The following SAMD10 variants were observed in gnomAD, a reference collection of about 807,000 sequenced individuals.
SAMD10 encodes sterile alpha motif domain-containing protein 10.
In SAMD10, 16 loss-of-function variants were observed where a neutral mutation model predicts 22.5. The ratio of observed to expected loss-of-function variants is 0.71; its 90% CI spans 0.48 to 1.08. The LOEUF is 1.08. SAMD10 is among the 50% of genes least tolerant of loss of function. The pLI, the probability that SAMD10 is intolerant of heterozygous loss-of-function variation, is 0.00. For synonymous variants in SAMD10, 118 were observed against 122.2 expected (o/e 0.97, Z 0.23); for missense variants, 227 against 281.3 (o/e 0.81, Z 1.38).
chr20:63,977,338 G>A lies in SAMD10; in HGVS notation c.160C>T (p.His54Tyr). ...HTVSAESIPC[H>Y]LPRTPGTSLT... ...CTGGTGCCAGGTGTCCGAGGCAAGT[G>A]GCAGGGGATGCTCTCAGCTGACACC... Residue 54 changes from histidine (H) to tyrosine (Y), a missense_variant, in exon 2 of 5, where the codon CAC (histidine) becomes TAC (tyrosine). Transcript: ENST00000369886. This position sits in a 1 kb window ranked among gnomAD's most constrained non-coding sequence, Gnocchi z 5.4. 1 of 1,613,508 alleles carries A rather than the reference G, an allele frequency of 6.2e-7. No individual in the cohort carries two copies. Among genetic ancestry groups the A allele is most frequent in the Non-Finnish European group, 8.5e-7 (1 of 1,180,034 alleles).
rs1162648267 is a variant in SAMD10 at position 63,977,336 on chromosome 20, G to A, written c.162C>T (p.His54=). 4 of 1,613,450 alleles carry A rather than the reference G, an allele frequency of 2.5e-6. No individual in the cohort carries two copies. The highest frequency in any genetic ancestry group is 2.7e-5 in the African/African-American group (2 of 74,912). Residue 54 remains histidine (H), a synonymous_variant, in exon 2 of 5, where the codon CAC becomes CAT. Transcript: ENST00000369886. The surrounding 1 kb of genome is among the most constrained non-coding windows in gnomAD (Gnocchi z 5.4). ...GGCTGGTGCCAGGTGTCCGAGGCAA[G>A]TGGCAGGGGATGCTCTCAGCTGACA... is the stretch of plus-strand genomic sequence containing the variant. ...HTVSAESIPC[H]LPRTPGTSLT... is the part of the protein sequence containing the mutation.
At chr20:63,975,592 G>A (rs186343097) in intron 4 of SAMD10, 60 bp from the exon 5 acceptor site, 206 of 1,583,688 alleles carry the variant, frequency 1.3e-4, no homozygotes, top group Admixed American at 7.7e-4. Context: ...GCATTAGGGC[G>A]CTTACTGGGG....
chr20:63,978,567 C>G (rs1387111915), intron 1 of SAMD10, among the ~76,000 whole-genome samples: 1 of 152,184 alleles, frequency 6.6e-6, no homozygotes, highest in South Asian at 2.1e-4. Flanking sequence ...GTCTAAGTAT[C>G]GGTGAAAACC....
At chr20:63,978,635 G>A (rs1031438354) in intron 1 of SAMD10, among the ~76,000 whole-genome samples, 6 of 152,172 alleles carry the variant, frequency 3.9e-5, no homozygotes, top group Non-Finnish European at 8.8e-5. Context: ...AACACCTTCC[G>A]CCCCCATTCT....
chr20:63,976,384 G>A (rs1294705935), intron 3 of SAMD10, among the ~76,000 whole-genome samples: 2 of 152,022 alleles, frequency 1.3e-5, no homozygotes, highest in Non-Finnish European at 2.9e-5. Context: ...AGAGGCAGAG[G>A]GAAAGGAAGG....
chr20:63,978,477 C>G (rs1184148260), intron 1 of SAMD10: 2 of 369,626 alleles, frequency 5.4e-6, no homozygotes, highest in Non-Finnish European at 1.1e-5. Context: ...CCCATCCACC[C>G]TAGAGTGAGA....
chr20:63,978,176 T>C, intron 1 of SAMD10: 1 of 573,272 alleles, frequency 1.7e-6, no homozygotes. Flanking sequence ...CTGTGCTCCC[T>C]CTTCCCACAG....
intron 1 of SAMD10, among the ~76,000 whole-genome samples, chr20:63,978,714 T>G (rs2059041330): frequency 6.6e-6 from 1 of 152,246 alleles, no homozygotes; most frequent in African/African-American, 2.4e-5. Context: ...GAGGGTGTGC[T>G]CAGTGGGCCA....
intron 3 of SAMD10, 46 bp downstream of exon 3, chr20:63,976,925 G>GAGGC (rs1207140356): frequency 6.3e-7 from 1 of 1,597,508 alleles, no homozygotes; most frequent in Non-Finnish European, 8.6e-7. Flanking sequence ...GAGACGCTCT[G>GAGGC]AGGCAGGTTA....
rs2059036011 is a variant in SAMD10, at chr20:63,977,886, G to C, written c.92-480C>G. On this transcript the variant is annotated intron_variant, in intron 1 of 4. Coordinates refer to ENST00000369886, the MANE Select transcript of SAMD10 (RefSeq NM_080621.5). This position sits in a 1 kb window ranked among gnomAD's most constrained non-coding sequence, Gnocchi z 5.4. ...CTGGGGAAACCGGGCTGAGGATGCT[G>C]CTTGCCCATCGCCACTGAAGGCACC... Among the ~76,000 whole-genome samples the C allele has an allele frequency of 1.3e-5, 2 of 152,256 alleles. No individual in the cohort carries two copies. The highest frequency in any genetic ancestry group is 2.9e-5 in the Non-Finnish European group (2 of 68,042).
Position 63,979,423 on chromosome 20 carries a change from G to A in SAMD10, c.45C>T (p.Arg15=), listed in dbSNP as rs2059048526. 7 of 1,479,482 alleles carry A rather than the reference G, an allele frequency of 4.7e-6. No individual in the cohort carries two copies. Among genetic ancestry groups the A allele is most frequent in the Non-Finnish European group, 6.2e-6 (7 of 1,121,412 alleles). The allele number at this position is 1,479,482 out of a possible 1,614,324, so 91.6% of individuals were successfully genotyped here. A position where few individuals can be genotyped will look rare whatever the true frequency, so the allele number is the denominator to read the frequency against. Residue 15 remains arginine (R), a synonymous_variant, in exon 1 of 5, where the codon CGC becomes CGT. Coordinates refer to ENST00000369886, the MANE Select transcript of SAMD10 (RefSeq NM_080621.5). This position sits in a 1 kb window ranked among gnomAD's most constrained non-coding sequence, Gnocchi z 7.7. Reference sequence around the variant, plus strand: ...CGAAGCCCGCGCGCACGGCCCCGGCGCGGCCACGCGGGGGGCTCAGCTTGG... The same window carrying A: ...CGAAGCCCGCGCGCACGGCCCCGGCACGGCCACGCGGGGGGCTCAGCTTGG... ...LRSKLSPPRG[R]AGAVRAGFGE... is the part of the protein sequence containing the mutation.
rs1190200784 is a variant in SAMD10, at chr20:63,975,152, GA to G, written c.*357del. On this transcript the variant is annotated 3_prime_UTR_variant, in exon 5 of 5. Coordinates refer to ENST00000369886, the MANE Select transcript of SAMD10 (RefSeq NM_080621.5). ...CGATGGGGGACCGACATCACGTGGA[GA>G]GGGGAATGTAAATAAACAGACTCCC... is the stretch of plus-strand genomic sequence containing the variant. 1.5e-5 allele frequency: 5 copies of G among 332,124 alleles called. No individual in the cohort carries two copies. The highest frequency in any genetic ancestry group is 1.1e-4 in the African/African-American group (5 of 44,730). The allele number at this position is 332,124 out of a possible 1,614,324, so 20.6% of individuals were successfully genotyped here.
chr20:63,976,868 G>T (rs1601498734), intron 3 of SAMD10, 103 bp downstream of exon 3: 2 of 1,138,482 alleles, frequency 1.8e-6, no homozygotes, highest in East Asian at 2.6e-5. Context: ...GGAGAAACTA[G>T]ACAGACGAAA....
At position 63,977,074 on chromosome 20, in the gene SAMD10, G is replaced by A. The variant is rs751353410; in HGVS notation, c.342C>T (p.Pro114=). Reference sequence around the variant, plus strand: ...CGTCCTGCTGACTCCACAGGACCACGGGCCGGGTCAGGCCACCCAGCGAGG... The same window carrying A: ...CGTCCTGCTGACTCCACAGGACCACAGGCCGGGTCAGGCCACCCAGCGAGG... The part of the protein sequence containing the change: ...TSPSLGGLTR[P]VVLWSQQDVC... Residue 114 remains proline (P), a synonymous_variant, in exon 3 of 5, where the codon CCC becomes CCT. Coordinates refer to ENST00000369886, the MANE Select transcript of SAMD10 (RefSeq NM_080621.5). The surrounding 1 kb of genome is among the most constrained non-coding windows in gnomAD (Gnocchi z 5.4). 34 of 1,614,026 alleles carry A rather than the reference G, an allele frequency of 2.1e-5. No individual in the cohort carries two copies. Among genetic ancestry groups the A allele is most frequent in the Admixed American group, 5.0e-5 (3 of 60,002 alleles).
intron 3 of SAMD10, 47 bp from the exon 4 acceptor site, chr20:63,975,879 A>G: frequency 4.0e-6 from 6 of 1,506,884 alleles, no homozygotes; most frequent in East Asian, 2.5e-5. Flanking sequence ...AGAGGCATCA[A>G]GAGCCAAGGC....
chr20:63,976,306 G>T (rs843850), intron 3 of SAMD10, among the ~76,000 whole-genome samples: 38,722 of 151,740 alleles, frequency 0.26, 6,193 homozygotes, highest in African/African-American at 0.45. Context: ...GAGAGAGAGA[G>T]GAAGCGAGGT....
intron 1 of SAMD10, among the ~76,000 whole-genome samples, chr20:63,978,861 G>C (rs965518741): frequency 7.9e-5 from 12 of 152,190 alleles, no homozygotes; most frequent in Non-Finnish European, 1.6e-4. Flanking sequence ...CGGCAGTCCG[G>C]GGAAACCCGT....
intron 3 of SAMD10, among the ~76,000 whole-genome samples, chr20:63,976,764 C>CAA (rs60461303): frequency 2.3e-4 from 15 of 63,928 alleles, no homozygotes; most frequent in South Asian, 1.7e-3. Flanking sequence ...TCTGTCTCAC[C>CAA]AAAAAAAAAA....
Position 63,977,713 on chromosome 20 carries a change from G to A in SAMD10, c.92-307C>T, listed in dbSNP as rs943101287. On this transcript the variant is annotated intron_variant, in intron 1 of 4. Transcript: ENST00000369886. This position sits in a 1 kb window ranked among gnomAD's most constrained non-coding sequence, Gnocchi z 5.4. ...CTAGGGAAGGGAACCTGAGACATAT[G>A]ACAAGAGGAGCTATCCTGGGACAGC... 3.3e-5 allele frequency among the ~76,000 whole-genome samples: 5 copies of A among 152,258 alleles called. No individual in the cohort carries two copies. The highest frequency in any genetic ancestry group is 7.3e-5 in the Non-Finnish European group (5 of 68,048).
Sources: allele counts gnomAD v4.1 joint callset (sites outside exome capture counted in the v4.1 genomes callset), GRCh38; gene constraint gnomAD v4.1.1; non-coding constraint Gnocchi (gnomAD v3.1); transcripts MANE v1.5; gene names NCBI Gene and HGNC (gene_info 2026-07-23, HGNC 2026-07-21).